POLK: variants seen among roughly 807,000 people sequenced by gnomAD.
POLK encodes polymerase (DNA directed) kappa.
In POLK, 76 loss-of-function variants were observed where a neutral mutation model predicts 94.0. The observed-to-expected ratio is 0.81, with a 90% CI of 0.67 to 0.98. POLK has a LOEUF of 0.98. POLK is among the 50% of genes least tolerant of loss of function. POLK has a pLI of 0.00. For missense variants in POLK, 954 were observed against 1,010.1 expected, an observed-to-expected ratio of 0.94 and a Z score of 0.75; for synonymous variants, 349 against 325.4, an observed-to-expected ratio of 1.07 and a Z score of -0.78.
intron 1 of POLK, among the ~76,000 whole-genome samples, chr5:75,532,145 G>A (rs917280202): frequency 6.6e-6 from 1 of 152,074 alleles, no homozygotes; most frequent in African/African-American, 2.4e-5. Flanking sequence ...TATTATATAG[G>A]TAAATTGCAT....
chr5:75,596,475 G>C (rs1380631480), exon 13 of POLK: 1 of 1,613,976 alleles, frequency 6.2e-7, no homozygotes, highest in Non-Finnish European at 8.5e-7. Flanking sequence ...AAAGTTTCCA[G>C]ACATCACAAC....
At chr5:75,537,205 G>C (rs190137843) in intron 1 of POLK, among the ~76,000 whole-genome samples, 2 of 152,338 alleles carry the variant, frequency 1.3e-5, no homozygotes, top group Non-Finnish European at 2.9e-5. Flanking sequence ...AAAGCTTGTA[G>C]AGGTGCCCTT....
intron 10 of POLK, among the ~76,000 whole-genome samples, chr5:75,589,839 C>T (rs965604678): frequency 6.6e-6 from 1 of 152,052 alleles, no homozygotes; most frequent in Non-Finnish European, 1.5e-5. Flanking sequence ...TTCAAAATAC[C>T]TACATTTAAT....
At chr5:75,576,818 G>A in exon 6 of POLK, 2 of 1,532,414 alleles carry the variant, frequency 1.3e-6, no homozygotes, top group Non-Finnish European at 1.8e-6. Flanking sequence ...CCAATTTTAT[G>A]GCCATGAGTC....
At chr5:75,584,162 A>T (rs910093700) in intron 8 of POLK, among the ~76,000 whole-genome samples, 1 of 152,176 alleles carries the variant, frequency 6.6e-6, no homozygotes, top group African/African-American at 2.4e-5. Flanking sequence ...TTTGGAATGT[A>T]CCATTGATGT....
chr5:75,580,716 G>C (rs1772149480), intron 6 of POLK: 1 of 161,584 alleles, frequency 6.2e-6, no homozygotes, highest in South Asian at 2.0e-4. Context: ...CATCTAAAAG[G>C]TTTCTTCCAT....
chr5:75,542,954 A>AAAGT, intron 1 of POLK, among the ~76,000 whole-genome samples: 1 of 148,828 alleles, frequency 6.7e-6, no homozygotes, highest in South Asian at 2.1e-4. Flanking sequence ...CTCGTGATCC[A>AAAGT]CCCACCTCGG....
intron 10 of POLK, 81 bp from the exon 11 acceptor site, chr5:75,590,263 C>A: frequency 1.6e-6 from 1 of 612,964 alleles, no homozygotes; most frequent in Non-Finnish European, 2.8e-6. Context: ...TTAATGCTAG[C>A]CATATAAACA....
chr5:75,540,963 A>G (rs1277931898), intron 1 of POLK, among the ~76,000 whole-genome samples: 1 of 152,182 alleles, frequency 6.6e-6, no homozygotes, highest in Non-Finnish European at 1.5e-5. Context: ...TTTATAAAAT[A>G]TGCAACTCAT....
chr5:75,511,930 G>T lies in POLK; in HGVS notation c.-14+16G>T, dbSNP rs1165755461. On this transcript the variant is annotated intron_variant, in intron 1 of 14. Transcript: ENST00000241436. ...GAGGTAACGGGTGAGTATCCCGCGC[G>T]GGGATCGCTTGTCCCCTTGGGGCCT... 5 of 1,110,120 alleles carry T rather than the reference G, an allele frequency of 4.5e-6. No individual in the cohort carries two copies. Among genetic ancestry groups the T allele is most frequent in the Non-Finnish European group, 1.3e-6 (1 of 780,752 alleles). The allele number at this position is 1,110,120 out of a possible 1,614,324, so 68.8% of individuals were successfully genotyped here.
chr5:75,542,924 G>C (rs1461854308), intron 1 of POLK, among the ~76,000 whole-genome samples: 3 of 149,966 alleles, frequency 2.0e-5, no homozygotes, highest in African/African-American at 7.4e-5. Context: ...TATTGGCCAG[G>C]CTGGTCTCGA....
intron 4 of POLK, among the ~76,000 whole-genome samples, chr5:75,572,379 A>G (rs536742031): frequency 2.0e-5 from 3 of 152,284 alleles, no homozygotes; most frequent in African/African-American, 7.2e-5. Context: ...GGCTGACCAC[A>G]TAGACCTTTT....
At chr5:75,574,551 G>A (rs1771763245) in intron 5 of POLK, among the ~76,000 whole-genome samples, 1 of 152,088 alleles carries the variant, frequency 6.6e-6, no homozygotes. Context: ...CTTTTAGACT[G>A]CTATAGTAAA....
At chr5:75,603,733 T>C (rs938869692), downstream of POLK, among the ~76,000 whole-genome samples, 1 of 152,178 alleles carries the variant, frequency 6.6e-6, no homozygotes, top group Non-Finnish European at 1.5e-5. Context: ...GCATCTGTGC[T>C]CCATTGTTCC....
chr5:75,517,346 C>T (rs1315709281), intron 1 of POLK, among the ~76,000 whole-genome samples: 1 of 152,050 alleles, frequency 6.6e-6, no homozygotes, highest in Non-Finnish European at 1.5e-5. Flanking sequence ...TTTTACAGAT[C>T]TTTCACTTAA....
At position 75,597,734 on chromosome 5, in the gene POLK, C is replaced by T. The variant is rs1245198034; in HGVS notation, c.2486-13C>T. 2 of 1,428,454 alleles carry T rather than the reference C, an allele frequency of 1.4e-6. No individual in the cohort carries two copies. Among genetic ancestry groups the T allele is most frequent in the Non-Finnish European group, 9.4e-7 (1 of 1,067,604 alleles). The allele number at this position is 1,428,454 out of a possible 1,614,324, so 88.5% of individuals were successfully genotyped here. ...ATTCATTATGGAATTTCTTGACTTT[C>T]TTTCCTCTAAAGGTAGCTCAAGTGG... On this transcript the variant is annotated splice_polypyrimidine_tract_variant and intron_variant, in intron 13 of 14. Transcript: ENST00000241436.
At chr5:75,547,443 A>T (rs1428908498) in intron 2 of POLK, among the ~76,000 whole-genome samples, 3 of 143,744 alleles carry the variant, frequency 2.1e-5, no homozygotes, top group Non-Finnish European at 3.1e-5. Flanking sequence ...AGGTATTTGG[A>T]TTTTTTTTTT....
chr5:75,595,223 G>A (rs2112887891), intron 12 of POLK, among the ~76,000 whole-genome samples: 1 of 114,682 alleles, frequency 8.7e-6, no homozygotes, highest in East Asian at 2.8e-4. Context: ...TCCAGCCTGG[G>A]CAACAAGAGT....
chr5:75,517,141 T>A (rs753144330), intron 1 of POLK, among the ~76,000 whole-genome samples: 2 of 152,182 alleles, frequency 1.3e-5, no homozygotes. Context: ...TTTTTGTGGT[T>A]CTATATACGT....
Sources: gnomAD v4.1 joint callset for allele counts (sites outside exome capture counted in the v4.1 genomes callset) on GRCh38, gnomAD v4.1.1 for gene constraint, MANE v1.5 for transcripts, NCBI Gene and HGNC (gene_info 2026-07-23, HGNC 2026-07-21) for gene names.